CABP1: variants seen among roughly 807,000 people sequenced by gnomAD.
CABP1 encodes calcium-binding protein 1.
CABP1 carries 17 observed loss-of-function variants against 34.3 expected under a neutral mutation model. The ratio of observed to expected loss-of-function variants is 0.50; its 90% CI spans 0.34 to 0.74. The LOEUF is 0.74. Among genes scored for constraint, CABP1 ranks in the 30% least tolerant of loss-of-function variants. The pLI is 0.01. For missense variants in CABP1, 373 were observed against 511.1 expected, an observed-to-expected ratio of 0.73 and a Z score of 2.61; for synonymous variants, 198 against 229.2, an observed-to-expected ratio of 0.86 and a Z score of 1.23.
In CABP1 at chr12:120,661,686, CATCCATCCATCCACCT is replaced by C. The variant is rs1457811201; in HGVS notation, c.1087+480_1087+495del. 1 of 158,768 alleles carries C rather than the reference CATCCATCCATCCACCT, an allele frequency of 6.3e-6. No individual in the cohort carries two copies. The highest frequency in any genetic ancestry group is 1.9e-4 in the East Asian group (1 of 5,396). 9.8% of individuals were successfully genotyped at this position (158,768 alleles called of 1,614,324 possible). A position where few individuals can be genotyped will look rare whatever the true frequency, so the allele number is the denominator to read the frequency against. Reference sequence around the variant, plus strand: ...TCGTCTACATATCTATCCATCCATCCATCCATCCATCCACCTATCCATCCATCTGTCCATCCATTCA... The same window carrying C: ...TCGTCTACATATCTATCCATCCATCCATCCATCCATCTGTCCATCCATTCA... On this transcript the variant is annotated intron_variant, in intron 5 of 5. Coordinates refer to ENST00000316803, the MANE Select transcript of CABP1 (RefSeq NM_001033677.2). This position sits in a 1 kb window ranked among gnomAD's most constrained non-coding sequence, Gnocchi z 5.1.
At chr12:120,642,994 T>TTAAAAAA (rs1565993342) in intron 1 of CABP1, among the ~76,000 whole-genome samples, 1 of 7,322 alleles carries the variant, frequency 1.4e-4, no homozygotes. Context: ...ACTCAGCTCC[T>TTAAAAAA]GAAAAAAAAA....
At chr12:120,673,688 T>C in the CABP1 span, among the ~76,000 whole-genome samples, 1 of 152,124 alleles carries the variant, frequency 6.6e-6, no homozygotes, top group African/African-American at 2.4e-5. Context: ...CGCGTCATCT[T>C]GGGTAGGTTA....
rs767824755 is a variant in CABP1, at chr12:120,655,824, TGCGTGC to T, written c.655-4052_655-4047del. 2.2e-3 allele frequency: 3,262 copies of T among 1,469,438 alleles called. 2 individuals carry two copies. Among genetic ancestry groups the T allele is most frequent in the Non-Finnish European group, 2.7e-3 (3,008 of 1,111,790 alleles). 91.0% of individuals were successfully genotyped at this position (1,469,438 alleles called of 1,614,324 possible). A position where few individuals can be genotyped will look rare whatever the true frequency, so the allele number is the denominator to read the frequency against. On this transcript the variant is annotated intron_variant, in intron 1 of 5. Transcript: ENST00000316803. Reference sequence around the variant, plus strand: ...CTGTGCATATGTATGTGCCAGTGCGTGCGTGCGTGTGTGTGTGTGTGTGTGTGCGCA... The same window carrying T: ...CTGTGCATATGTATGTGCCAGTGCGTGTGTGTGTGTGTGTGTGTGTGCGCA...
intron 5 of CABP1, among the ~76,000 whole-genome samples, chr12:120,662,830 G>A (rs1169315973): frequency 5.3e-5 from 8 of 151,788 alleles, no homozygotes; most frequent in Non-Finnish European, 1.0e-4. Flanking sequence ...GATTACAGGC[G>A]CCTACCACCA....
At position 120,666,991 on chromosome 12, in the gene CABP1, C is replaced by T. The variant is rs571034033; in HGVS notation, c.*91C>T. ...CCTCACCCGCTGTAGCCGCCGAGAGCCCAGGATGTACTGGCGGATGGGGCC... is the reference window on the plus strand; with the variant it reads ...CCTCACCCGCTGTAGCCGCCGAGAGTCCAGGATGTACTGGCGGATGGGGCC... On this transcript the variant is annotated 3_prime_UTR_variant, in exon 6 of 6. Coordinates refer to ENST00000316803, the MANE Select transcript of CABP1 (RefSeq NM_001033677.2). 1.9e-4 allele frequency: 275 copies of T among 1,483,160 alleles called. 1 individual carries two copies. The South Asian group carries it at 3.1e-3, about 17-fold the overall frequency. The allele number at this position is 1,483,160 out of a possible 1,614,324, so 91.9% of individuals were successfully genotyped here.
downstream of CABP1, among the ~76,000 whole-genome samples, chr12:120,669,683 G>A (rs570656097): frequency 5.0e-4 from 76 of 152,188 alleles, no homozygotes; most frequent in African/African-American, 1.5e-3. Flanking sequence ...GAACACGAGA[G>A]GCGGAGGTTG....
At chr12:120,648,843 T>C (rs1388998365) in intron 1 of CABP1, among the ~76,000 whole-genome samples, 1 of 149,792 alleles carries the variant, frequency 6.7e-6, no homozygotes, top group Non-Finnish European at 1.5e-5. Context: ...ATTGCGGCAC[T>C]GCACTCCAGC....
chr12:120,677,644 C>A, the CABP1 span, among the ~76,000 whole-genome samples: 3 of 151,990 alleles, frequency 2.0e-5, 1 homozygote, highest in African/African-American at 7.2e-5. Flanking sequence ...TGGGCTCAAG[C>A]GATCCACCTG....
chr12:120,673,315 T>C, the CABP1 span, among the ~76,000 whole-genome samples: 1 of 152,156 alleles, frequency 6.6e-6, no homozygotes, highest in East Asian at 1.9e-4. Flanking sequence ...CCTGGCGTGG[T>C]GGCTCACACC....
intron 1 of CABP1, chr12:120,650,281 A>G (rs1232804611): frequency 9.4e-6 from 3 of 319,040 alleles, no homozygotes; most frequent in Non-Finnish European, 1.7e-5. Context: ...TCTGATGTAG[A>G]TGATCCGGCA....
At chr12:120,663,220 C>G (rs1429149987) in intron 5 of CABP1, among the ~76,000 whole-genome samples, 2 of 152,164 alleles carry the variant, frequency 1.3e-5, no homozygotes, top group African/African-American at 4.8e-5. Flanking sequence ...TTTTCTTAAT[C>G]ACTGCATTTC....
chr12:120,670,783 C>G (rs1253012549), downstream of CABP1, among the ~76,000 whole-genome samples: 2 of 152,104 alleles, frequency 1.3e-5, no homozygotes, highest in Non-Finnish European at 2.9e-5. Context: ...TCTGAAAGCT[C>G]TTTTATTGCA....
chr12:120,673,515 C>G, the CABP1 span, among the ~76,000 whole-genome samples: 1 of 151,836 alleles, frequency 6.6e-6, no homozygotes. Flanking sequence ...ACCCGGGAGG[C>G]GGAGTTTACA....
At chr12:120,677,027 G>A in the CABP1 span, among the ~76,000 whole-genome samples, 1 of 151,778 alleles carries the variant, frequency 6.6e-6, no homozygotes, top group Non-Finnish European at 1.5e-5. Flanking sequence ...TTTGAGTGCA[G>A]CCTGGGCAAC....
the CABP1 span, among the ~76,000 whole-genome samples, chr12:120,676,398 A>C: frequency 3.9e-5 from 6 of 152,072 alleles, no homozygotes; most frequent in Non-Finnish European, 8.8e-5. Flanking sequence ...AAAGAAACTG[A>C]AAAGAATAAA....
chr12:120,663,533 C>T (rs1880787050), intron 5 of CABP1, among the ~76,000 whole-genome samples: 1 of 152,192 alleles, frequency 6.6e-6, no homozygotes, highest in East Asian at 1.9e-4. Flanking sequence ...GCCTTAGCCT[C>T]CCAAAGTGCT....
the CABP1 span, among the ~76,000 whole-genome samples, chr12:120,676,016 C>T: frequency 2.0e-5 from 3 of 152,116 alleles, no homozygotes; most frequent in Non-Finnish European, 4.4e-5. Flanking sequence ...GTGGAGGTTG[C>T]AGTGAACTGA....
intron 1 of CABP1, chr12:120,649,941 C>G (rs143237874): frequency 1.3e-5 from 2 of 152,362 alleles, no homozygotes; most frequent in Non-Finnish European, 2.9e-5. Flanking sequence ...GTCCAGCTCA[C>G]TGCTCTTTGG....
chr12:120,656,447 A>AATGATG (rs34289517), intron 1 of CABP1, among the ~76,000 whole-genome samples: 1 of 151,338 alleles, frequency 6.6e-6, no homozygotes, highest in Non-Finnish European at 1.5e-5. Context: ...CGAGCAAAAT[A>AATGATG]ATGATGATGA....
Sources: gnomAD v4.1 joint callset for allele counts (sites outside exome capture counted in the v4.1 genomes callset) on GRCh38, gnomAD v4.1.1 for gene constraint, Gnocchi (gnomAD v3.1) non-coding constraint, MANE v1.5 for transcripts, NCBI Gene and HGNC (gene_info 2026-07-23, HGNC 2026-07-21) for gene names.